The following TRANK1 variants were observed in gnomAD, a reference collection of about 807,000 sequenced individuals.
TRANK1 encodes TPR and ankyrin repeat-containing protein 1.
TRANK1 carries 198 observed loss-of-function variants against 266.0 expected under a neutral mutation model. That is an observed-to-expected ratio of 0.74 (90% CI 0.66 to 0.84). TRANK1 has a LOEUF of 0.84. Among genes scored for constraint, TRANK1 ranks in the 40% least tolerant of loss-of-function variants. TRANK1 has a pLI of 0.00. For missense variants in TRANK1, 3,326 were observed against 3,634.6 expected (o/e 0.92, Z 2.18); for synonymous variants, 1,396 against 1,384.1 (o/e 1.01, Z -0.19).
intron 1 of TRANK1, among the ~76,000 whole-genome samples, chr3:36,923,248 C>A (rs1176218717): frequency 7.7e-6 from 1 of 130,102 alleles, no homozygotes; most frequent in African/African-American, 2.8e-5. Flanking sequence ...CTACAACTGT[C>A]TTGGTAAATT....
intron 20 of TRANK1, among the ~76,000 whole-genome samples, chr3:36,836,777 A>G (rs1481995468): frequency 1.3e-5 from 2 of 152,162 alleles, no homozygotes; most frequent in African/African-American, 4.8e-5. Flanking sequence ...ATATGCCACC[A>G]TCCCACCACT....
chr3:36,900,964 T>G (rs1008733528), intron 3 of TRANK1, among the ~76,000 whole-genome samples: 1 of 151,890 alleles, frequency 6.6e-6, no homozygotes, highest in Non-Finnish European at 1.5e-5. Flanking sequence ...TTTAATGATT[T>G]GTTTTAACTT....
chr3:36,839,116 G>T (rs1219377591), intron 18 of TRANK1, among the ~76,000 whole-genome samples: 1 of 152,170 alleles, frequency 6.6e-6, no homozygotes. Flanking sequence ...CTTTGACCCA[G>T]TTGGTGAGTA....
chr3:36,911,376 A>G (rs1180995520), intron 1 of TRANK1, among the ~76,000 whole-genome samples: 1 of 152,212 alleles, frequency 6.6e-6, no homozygotes, highest in Admixed American at 6.5e-5. Flanking sequence ...CCCTCTTACT[A>G]ATCAGACCAT....
At position 36,847,342 on chromosome 3, in the gene TRANK1, T is replaced by C. The variant is rs1485186361; in HGVS notation, c.4892A>G (p.Tyr1631Cys). The C allele has an allele frequency of 1.2e-6, 2 of 1,613,380 alleles. No homozygotes were observed. The highest frequency in any genetic ancestry group is 1.7e-5 in the Admixed American group (1 of 59,938). ...TGAGGAAATGATCTTCCATTCCTTA[T>C]AAGCCTGAACAACAACAAAAAAGTG... ...LYNFFTDSEAYKEWKIISSFT... is the reference protein window; with the variant it reads ...LYNFFTDSEACKEWKIISSFT... The change falls in exon 16 of 24, where the codon TAT becomes TGT. Residue 1631 changes from tyrosine (Y) to cysteine (C), a missense_variant. Tyr to Cys is a radical substitution (Grantham distance 194, BLOSUM62 -2). Transcript: ENST00000645898.
chr3:36,912,757 A>G (rs1461059374), intron 1 of TRANK1, among the ~76,000 whole-genome samples: 1 of 152,196 alleles, frequency 6.6e-6, no homozygotes. Context: ...TACAGCAAAG[A>G]CTGGCAACAC....
At chr3:36,870,988 C>T (rs1484791303) in intron 9 of TRANK1, among the ~76,000 whole-genome samples, 1 of 127,218 alleles carries the variant, frequency 7.9e-6, no homozygotes, top group Non-Finnish European at 1.7e-5. Context: ...AAAAAAAAAA[C>T]CTAAAACCTT....
intron 8 of TRANK1, among the ~76,000 whole-genome samples, chr3:36,879,267 C>T (rs1288836912): frequency 3.3e-5 from 5 of 151,656 alleles, no homozygotes; most frequent in African/African-American, 4.8e-5. Flanking sequence ...TGATTAATGA[C>T]TATGAGAATT....
chr3:36,864,782 G>C (rs1328813329), intron 9 of TRANK1, among the ~76,000 whole-genome samples: 1 of 152,160 alleles, frequency 6.6e-6, no homozygotes, highest in Non-Finnish European at 1.5e-5. Context: ...CCTTCATCAT[G>C]TAAACAAGTC....
intron 1 of TRANK1, among the ~76,000 whole-genome samples, chr3:36,931,931 G>T (rs1457971827): frequency 6.6e-6 from 1 of 152,096 alleles, no homozygotes; most frequent in East Asian, 1.9e-4. Flanking sequence ...AAAAAATCTG[G>T]AAGGATCCCC....
chr3:36,867,193 A>C (rs899608541), intron 9 of TRANK1, among the ~76,000 whole-genome samples: 1 of 152,016 alleles, frequency 6.6e-6, no homozygotes, highest in South Asian at 2.1e-4. Context: ...GAAAACTCAC[A>C]GTACAAAAAA....
chr3:36,828,295 C>G lies in TRANK1; in HGVS notation c.8890G>C (p.Gly2964Arg), dbSNP rs553790358. 6.6e-5 allele frequency: 107 copies of G among 1,612,208 alleles called. No individual in the cohort carries two copies. The East Asian group carries it at 1.2e-3, about 18-fold the overall frequency. The change falls in exon 24 of 24, where the codon GGA becomes CGA. Residue 2964 changes from glycine to arginine, a missense_variant. Coordinates refer to ENST00000645898, the MANE Select transcript of TRANK1 (RefSeq NM_001329998.2). ...LRPRRRSRKC[G>R]KQRKY Reference sequence around the variant, plus strand: ...GGACATTAGTATTTTCTCTGCTTTCCACATTTCCGAGAACGCCTTCTAGGC... The same window carrying G: ...GGACATTAGTATTTTCTCTGCTTTCGACATTTCCGAGAACGCCTTCTAGGC...
intron 17 of TRANK1, 96 bp from the exon 18 acceptor site, chr3:36,842,806 A>T: frequency 9.1e-7 from 1 of 1,094,244 alleles, no homozygotes; most frequent in East Asian, 2.6e-5. Context: ...GCCAGCCATC[A>T]AATTCACTTG....
At chr3:36,829,897 C>T (rs1473641793) in intron 22 of TRANK1, among the ~76,000 whole-genome samples, 1 of 152,198 alleles carries the variant, frequency 6.6e-6, no homozygotes, top group Non-Finnish European at 1.5e-5. Context: ...GCCACAACTG[C>T]AAACCTTTCT....
chr3:36,867,996 T>G (rs1399794483), intron 9 of TRANK1, among the ~76,000 whole-genome samples: 1 of 152,218 alleles, frequency 6.6e-6, no homozygotes, highest in Non-Finnish European at 1.5e-5. Flanking sequence ...GTCTCAGTTG[T>G]CCCAGTCTGA....
rs775842864 is a variant in TRANK1 at position 36,874,165 on chromosome 3, G to A, written c.1039C>T (p.His347Tyr). The change falls in exon 9 of 24, where the codon CAC becomes TAC. Residue 347 changes from histidine (H) to tyrosine (Y), a missense_variant. Physicochemically the swap from His to Tyr is moderately conservative, Grantham distance 83. Coordinates refer to ENST00000645898, the MANE Select transcript of TRANK1 (RefSeq NM_001329998.2). The stretch of plus-strand genomic sequence containing the variant: ...GAACACGTAGCTAGCTTTTCTAAGT[G>A]ACTGTTGATTTTCTCGATGGCTTTG... ...NFKAIEKINS[H>Y]LEKLATCSKD... 2 of 1,537,482 alleles carry A rather than the reference G, an allele frequency of 1.3e-6. No individual in the cohort carries two copies.
chr3:36,835,053 C>T (rs1182298290), intron 20 of TRANK1, 146 bp from the exon 21 acceptor site: 3 of 835,382 alleles, frequency 3.6e-6, no homozygotes, highest in East Asian at 3.0e-5. Flanking sequence ...GGCGTGGTGG[C>T]TCACGCCTGT....
chr3:36,916,854 C>G (rs188988463), intron 1 of TRANK1, among the ~76,000 whole-genome samples: 7 of 149,946 alleles, frequency 4.7e-5, no homozygotes, highest in African/African-American at 1.2e-4. Context: ...CTTGCTCTGT[C>G]CCCCAGCCTG....
At chr3:36,870,731 G>A (rs1000391856) in intron 9 of TRANK1, among the ~76,000 whole-genome samples, 3 of 152,100 alleles carry the variant, frequency 2.0e-5, no homozygotes, top group African/African-American at 7.2e-5. Flanking sequence ...AGCTTGGAAC[G>A]ATGCACAGTC....
Sources: gnomAD v4.1 joint callset for allele counts (sites outside exome capture counted in the v4.1 genomes callset) on GRCh38, gnomAD v4.1.1 for gene constraint, MANE v1.5 for transcripts, NCBI Gene and HGNC (gene_info 2026-07-23, HGNC 2026-07-21) for gene names.